Variants in P2RY14 observed in about 807,000 individuals in gnomAD.
P2RY14 encodes the protein purinergic receptor P2Y14, also known as P2Y purinoceptor 14.
P2RY14 carries 2 observed loss-of-function variants against 0.9 expected under a neutral mutation model. The observed-to-expected ratio is 2.16, with a 90% CI of 0.88 to 6.79. The LOEUF is 6.79. Ranked by LOEUF, P2RY14 falls within the 30% of genes most tolerant of loss-of-function variation. P2RY14 has a pLI of 0.05. For synonymous variants in P2RY14, 158 were observed against 147.2 expected (o/e 1.07, Z -0.53); for missense variants, 378 against 400.1 (o/e 0.94, Z 0.47).
intron 1 of P2RY14, among the ~76,000 whole-genome samples, chr3:151,250,887 G>T (rs1472991832): frequency 6.6e-6 from 1 of 152,186 alleles, no homozygotes; most frequent in East Asian, 1.9e-4. Flanking sequence ...CCCACCAACA[G>T]TGCACAAAGG....
chr3:151,265,648 T>G (rs759236685), intron 1 of P2RY14, among the ~76,000 whole-genome samples: 2 of 152,202 alleles, frequency 1.3e-5, no homozygotes, highest in Non-Finnish European at 2.9e-5. Flanking sequence ...CGGAGGAATC[T>G]GAGTAGGTTT....
intron 1 of P2RY14, among the ~76,000 whole-genome samples, chr3:151,235,780 A>G (rs1001121657): frequency 3.3e-5 from 5 of 152,064 alleles, no homozygotes; most frequent in African/African-American, 1.2e-4. Context: ...TGTGATTGTC[A>G]GTCTCTGGTA....
At chr3:151,246,391 CA>C (rs1479581225) in intron 1 of P2RY14, among the ~76,000 whole-genome samples, 1 of 151,852 alleles carries the variant, frequency 6.6e-6, no homozygotes, top group Non-Finnish European at 1.5e-5. Flanking sequence ...CTACAGTAAC[CA>C]AAACAGCATG....
At position 151,213,502 on chromosome 3, in the gene P2RY14, A is replaced by G. The variant is rs1727550408; in HGVS notation, c.815T>C (p.Ile272Thr). ...AGTGAATTCTTTCATATACCGCAAG[A>G]TTTCTTTTGACTGGCAGCTGTAATG... is the stretch of plus-strand genomic sequence containing the variant. ...EAHYSCQSKEILRYMKEFTLL... is the reference protein window; with the variant it reads ...EAHYSCQSKETLRYMKEFTLL... Residue 272 changes from isoleucine to threonine, a missense_variant, in exon 3 of 3, where the codon ATC (isoleucine) becomes ACC (threonine). By Grantham distance (89) the Ile-to-Thr change is moderately conservative. Transcript: ENST00000309170. The G allele has an allele frequency of 1.9e-6, 3 of 1,614,128 alleles. No individual in the cohort carries two copies. The highest frequency in any genetic ancestry group is 2.5e-6 in the Non-Finnish European group (3 of 1,180,014).
At chr3:151,215,197 T>C (rs777211698) in intron 2 of P2RY14, among the ~76,000 whole-genome samples, 8 of 152,214 alleles carry the variant, frequency 5.3e-5, no homozygotes, top group African/African-American at 1.9e-4. Flanking sequence ...AAAAGTACTT[T>C]AAGCATTCTG....
rs1727281210 is a variant in P2RY14, at chr3:151,212,191, G to A, written c.*1109C>T. ...AGATACAAACATTACTTATAAAAAT[G>A]TTTTGAAAGAACATTTGAAAAATAG... is the stretch of plus-strand genomic sequence containing the variant. On this transcript the variant is annotated 3_prime_UTR_variant, in exon 3 of 3. Coordinates refer to ENST00000309170, the MANE Select transcript of P2RY14 (RefSeq NM_014879.4). 1 of 152,116 alleles carries A rather than the reference G, an allele frequency of 6.6e-6. No homozygotes were observed. The allele number at this position is 152,116 out of a possible 1,614,324, so 9.4% of individuals were successfully genotyped here. A position where few individuals can be genotyped will look rare whatever the true frequency, so the allele number is the denominator to read the frequency against.
chr3:151,278,327 A>C lies in P2RY14; in HGVS notation c.-173T>G, dbSNP rs535573543. On this transcript the variant is annotated 5_prime_UTR_variant, in exon 1 of 3. It removes an upstream start codon present in the reference 5' UTR. Coordinates refer to ENST00000309170, the MANE Select transcript of P2RY14 (RefSeq NM_014879.4). Reference sequence around the variant, plus strand: ...CATCTGTGAGAGTCATGCTTCACTCATTTTGAAATACCTCTCATTGTAGGC... The same window carrying C: ...CATCTGTGAGAGTCATGCTTCACTCCTTTTGAAATACCTCTCATTGTAGGC... The C allele has an allele frequency of 1.3e-5, 2 of 152,254 alleles. No individual in the cohort carries two copies. Among genetic ancestry groups the C allele is most frequent in the Non-Finnish European group, 2.9e-5 (2 of 68,012 alleles). The allele number at this position is 152,254 out of a possible 1,614,324, so 9.4% of individuals were successfully genotyped here. A position where few individuals can be genotyped will look rare whatever the true frequency, so the allele number is the denominator to read the frequency against.
intron 1 of P2RY14, among the ~76,000 whole-genome samples, chr3:151,234,131 A>G (rs1340513522): frequency 6.6e-6 from 1 of 152,244 alleles, no homozygotes; most frequent in Non-Finnish European, 1.5e-5. Flanking sequence ...CATGTCCAAG[A>G]ACACTCATAG....
chr3:151,231,502 A>C (rs1731663366), intron 1 of P2RY14, among the ~76,000 whole-genome samples: 1 of 152,248 alleles, frequency 6.6e-6, no homozygotes, highest in African/African-American at 2.4e-5. Flanking sequence ...TACTTTTGTA[A>C]TAAACTGTAT....
chr3:151,252,167 A>G (rs551748496), intron 1 of P2RY14, among the ~76,000 whole-genome samples: 1 of 152,252 alleles, frequency 6.6e-6, no homozygotes, highest in South Asian at 2.1e-4. Context: ...AAAAAGTACT[A>G]TTAATATCTC....
At chr3:151,225,354 C>T (rs1269392302) in intron 1 of P2RY14, among the ~76,000 whole-genome samples, 4 of 152,158 alleles carry the variant, frequency 2.6e-5, no homozygotes, top group African/African-American at 7.2e-5. Flanking sequence ...TAATTTGGCT[C>T]ATGGTTCTGG....
intron 1 of P2RY14, among the ~76,000 whole-genome samples, chr3:151,270,802 G>A (rs1004090736): frequency 3.3e-5 from 5 of 152,224 alleles, no homozygotes; most frequent in African/African-American, 1.2e-4. Flanking sequence ...GTTCTCTCCA[G>A]TGATGACTCT....
chr3:151,213,691 A>G lies in P2RY14; in HGVS notation c.626T>C (p.Ile209Thr). Residue 209 changes from isoleucine (I) to threonine (T), a missense_variant, in exon 3 of 3, where the codon ATC becomes ACC. Ile to Thr is a moderately conservative substitution (Grantham distance 89, BLOSUM62 -1). Coordinates refer to ENST00000309170, the MANE Select transcript of P2RY14 (RefSeq NM_014879.4). ...FLLLIVFYTAITKKIFKSHLK... is the reference protein window; with the variant it reads ...FLLLIVFYTATTKKIFKSHLK... ...GTGGGACTTAAAGATTTTCTTTGTG[A>G]TAGCAGTATAGAAAACGATTAACAA... 1 of 1,614,200 alleles carries G rather than the reference A, an allele frequency of 6.2e-7. No homozygotes were observed. The highest frequency in any genetic ancestry group is 8.5e-7 in the Non-Finnish European group (1 of 1,180,034).
At chr3:151,273,167 C>T (rs1247037440) in intron 1 of P2RY14, among the ~76,000 whole-genome samples, 1 of 151,314 alleles carries the variant, frequency 6.6e-6, no homozygotes, top group Non-Finnish European at 1.5e-5. Flanking sequence ...CAGAGCACCA[C>T]ACTATGTTAT....
chr3:151,239,332 C>G (rs558869383), intron 1 of P2RY14, among the ~76,000 whole-genome samples: 53 of 152,268 alleles, frequency 3.5e-4, no homozygotes, highest in Non-Finnish European at 7.2e-4. Flanking sequence ...AAAAAACCAC[C>G]TGTTGAGTTT....
At chr3:151,216,978 A>G (rs1728357274) in intron 2 of P2RY14, among the ~76,000 whole-genome samples, 1 of 152,168 alleles carries the variant, frequency 6.6e-6, no homozygotes, top group Non-Finnish European at 1.5e-5. Flanking sequence ...TAAGCCACAC[A>G]ACCCCCCAGC....
In P2RY14 at chr3:151,251,382, AT is replaced by A. The variant is rs370035984; in HGVS notation, c.-133+26904del. On this transcript the variant is annotated intron_variant, in intron 1 of 2. Coordinates refer to ENST00000309170, the MANE Select transcript of P2RY14 (RefSeq NM_014879.4). ...GCCAGTCAATCTCCAAAGCCTGGTG[AT>A]TTTTTTTTTTATGCTTAAATATTTC... 2.3e-3 allele frequency among the ~76,000 whole-genome samples: 335 copies of A among 147,862 alleles called. 1 individual carries two copies. The highest frequency in any genetic ancestry group is 6.6e-3 in the African/African-American group (266 of 40,408).
chr3:151,222,399 C>T (rs1241551536), intron 1 of P2RY14, among the ~76,000 whole-genome samples: 1 of 152,110 alleles, frequency 6.6e-6, no homozygotes, highest in Non-Finnish European at 1.5e-5. Context: ...GCTCTGTGTC[C>T]CCACCCAAAT....
Position 151,252,949 on chromosome 3 carries a change from G to C in P2RY14, c.-133+25338C>G, listed in dbSNP as rs2870521. Among the ~76,000 whole-genome samples the C allele has an allele frequency of 3.7e-4, 56 of 152,210 alleles. 1 individual carries two copies. The highest frequency in any genetic ancestry group is 1.1e-3 in the African/African-American group (47 of 41,534). ...ATGTACTACATTAAAATGACATAGG[G>C]AATGTGTATACATTTAGGAGAATAT... On this transcript the variant is annotated intron_variant, in intron 1 of 2. Coordinates refer to ENST00000309170, the MANE Select transcript of P2RY14 (RefSeq NM_014879.4).
Sources: allele counts gnomAD v4.1 joint callset (sites outside exome capture counted in the v4.1 genomes callset), GRCh38; gene constraint gnomAD v4.1.1; transcripts MANE v1.5; gene names NCBI Gene and HGNC (gene_info 2026-07-23, HGNC 2026-07-21).